The following LPP variants were observed in gnomAD, a reference collection of about 807,000 sequenced individuals.
LPP encodes the protein lipoma-preferred partner.
Under a neutral mutation model 60.4 loss-of-function variants are expected in LPP, and 38 were observed. That is an observed-to-expected ratio of 0.63 (90% confidence interval 0.49 to 0.83). LPP has a LOEUF of 0.83. Among genes scored for constraint, LPP ranks in the 40% least tolerant of loss-of-function variants. The probability of loss-of-function intolerance (pLI) is 0.00; values close to 1 mark genes in which losing one functional copy is unlikely to be tolerated. For synonymous variants in LPP, 328 were observed against 290.8 expected, an observed-to-expected ratio of 1.13 and a Z score of -1.30; for missense variants, 902 against 783.6, an observed-to-expected ratio of 1.15 and a Z score of -1.80.
chr3:188,589,789 A>G (rs1838274828), intron 6 of LPP, among the ~76,000 whole-genome samples: 1 of 152,238 alleles, frequency 6.6e-6, no homozygotes, highest in Non-Finnish European at 1.5e-5. Context: ...ATATTTTATT[A>G]TTACATTTTT....
At chr3:188,724,025 T>G (rs1468457795) in intron 8 of LPP, among the ~76,000 whole-genome samples, 1 of 152,118 alleles carries the variant, frequency 6.6e-6, no homozygotes, top group African/African-American at 2.4e-5. Flanking sequence ...GCAATAGAGG[T>G]TCTCTAGTCT....
At chr3:188,509,770 G>A (rs1358041998) in intron 5 of LPP, among the ~76,000 whole-genome samples, 20 of 147,882 alleles carry the variant, frequency 1.4e-4, no homozygotes, top group African/African-American at 5.0e-4. Context: ...TCGGCTCACT[G>A]CAAACTCCGC....
At chr3:188,181,641 T>C (rs1046519018) in intron 1 of LPP, among the ~76,000 whole-genome samples, 2 of 152,232 alleles carry the variant, frequency 1.3e-5, no homozygotes, top group Non-Finnish European at 2.9e-5. Context: ...CCCACCTGGT[T>C]CTAGCCTCAA....
intron 4 of LPP, among the ~76,000 whole-genome samples, chr3:188,462,544 T>TATATATATA (rs1799236891): frequency 2.9e-5 from 1 of 34,204 alleles, no homozygotes; most frequent in Non-Finnish European, 6.5e-5. Context: ...TATATGAGCT[T>TATATATATA]TATATATATA....
chr3:188,318,271 A>T (rs894973860), intron 2 of LPP, among the ~76,000 whole-genome samples: 2 of 152,198 alleles, frequency 1.3e-5, no homozygotes, highest in African/African-American at 4.8e-5. Context: ...TCTGATAAGA[A>T]AGAGCTAACT....
At chr3:188,470,652 T>C (rs1016999316) in intron 4 of LPP, among the ~76,000 whole-genome samples, 1 of 152,110 alleles carries the variant, frequency 6.6e-6, no homozygotes, top group Non-Finnish European at 1.5e-5. Flanking sequence ...GGTGGGAAGA[T>C]GCTTTCGTCT....
chr3:188,625,165 C>T (rs946197020), intron 7 of LPP, among the ~76,000 whole-genome samples: 43 of 152,008 alleles, frequency 2.8e-4, no homozygotes, highest in Admixed American at 2.5e-3. Flanking sequence ...TAATAGCTAC[C>T]CCAAAATATT....
intron 4 of LPP, among the ~76,000 whole-genome samples, chr3:188,483,803 A>G (rs1409786251): frequency 1.3e-5 from 2 of 152,104 alleles, no homozygotes; most frequent in Non-Finnish European, 2.9e-5. Flanking sequence ...ATTTCTCCTA[A>G]TCTGTCCTGC....
chr3:188,250,732 TTC>T (rs1369119632), intron 2 of LPP, among the ~76,000 whole-genome samples: 8 of 54,468 alleles, frequency 1.5e-4, no homozygotes, highest in Non-Finnish European at 3.0e-4. Context: ...CTCTCTTTCT[TTC>T]TTTCTTTCTT....
intron 1 of LPP, among the ~76,000 whole-genome samples, chr3:188,167,404 A>G (rs967849525): frequency 2.6e-5 from 4 of 152,194 alleles, no homozygotes; most frequent in African/African-American, 9.7e-5. Flanking sequence ...AAGCTGAGGC[A>G]GTAGAATTGC....
At chr3:188,624,519 G>A (rs909589163) in intron 7 of LPP, among the ~76,000 whole-genome samples, 3 of 152,156 alleles carry the variant, frequency 2.0e-5, no homozygotes, top group Admixed American at 6.5e-5. Flanking sequence ...AGTGAGCCTA[G>A]TCCAAGTTTG....
intron 1 of LPP, among the ~76,000 whole-genome samples, chr3:188,203,323 AT>A (rs1400592642): frequency 8.9e-6 from 1 of 111,932 alleles, no homozygotes; most frequent in Non-Finnish European, 1.6e-5. Context: ...TTAAAAATGT[AT>A]TTTATATTTA....
chr3:188,670,765 C>T (rs895017031), intron 7 of LPP, among the ~76,000 whole-genome samples: 1 of 152,134 alleles, frequency 6.6e-6, no homozygotes, highest in African/African-American at 2.4e-5. Context: ...CCTTTGCCTC[C>T]AAACTGAAAG....
chr3:188,195,671 A>G (rs979230706), intron 1 of LPP, among the ~76,000 whole-genome samples: 5 of 152,246 alleles, frequency 3.3e-5, no homozygotes, highest in Non-Finnish European at 7.3e-5. Flanking sequence ...CTTAGTATAA[A>G]AAGTAATGTA....
chr3:188,777,630 A>G (rs1204786899), intron 9 of LPP, among the ~76,000 whole-genome samples: 2 of 152,130 alleles, frequency 1.3e-5, no homozygotes, highest in Admixed American at 1.3e-4. Context: ...TTTCACGTAG[A>G]TTATGAGTGT....
intron 4 of LPP, among the ~76,000 whole-genome samples, chr3:188,427,266 T>C (rs946229389): frequency 2.6e-5 from 4 of 152,252 alleles, no homozygotes; most frequent in Admixed American, 2.0e-4. Flanking sequence ...TCTTTATCAA[T>C]GTTGAATATT....
intron 7 of LPP, among the ~76,000 whole-genome samples, chr3:188,649,809 A>T (rs1023743165): frequency 2.6e-5 from 4 of 152,200 alleles, no homozygotes; most frequent in Non-Finnish European, 5.9e-5. Flanking sequence ...GAGACAAAGC[A>T]GAAATAACTA....
At chr3:188,866,030 A>G (rs546512569) in intron 9 of LPP, among the ~76,000 whole-genome samples, 170 bp from the exon 10 acceptor site, 14 of 152,222 alleles carry the variant, frequency 9.2e-5, no homozygotes, top group African/African-American at 2.4e-4. Flanking sequence ...CTTGTTTTCT[A>G]TTTGTAAGGA....
intron 9 of LPP, among the ~76,000 whole-genome samples, chr3:188,840,210 G>A (rs1759581830): frequency 6.6e-6 from 1 of 152,104 alleles, no homozygotes; most frequent in Admixed American, 6.5e-5. Flanking sequence ...TGAGGTCAGG[G>A]AGTAATATGT....
Sources: gnomAD v4.1 joint callset for allele counts (sites outside exome capture counted in the v4.1 genomes callset) on GRCh38, gnomAD v4.1.1 for gene constraint, MANE v1.5 for transcripts, NCBI Gene and HGNC (gene_info 2026-07-23, HGNC 2026-07-21) for gene names.